The following MFAP3L variants were observed in gnomAD, a reference collection of about 807,000 sequenced individuals.
MFAP3L encodes the protein microfibrillar-associated protein 3-like.
Under a neutral mutation model 20.0 loss-of-function variants are expected in MFAP3L, and 5 were observed. That is an observed-to-expected ratio of 0.25 (90% CI 0.13 to 0.53). MFAP3L has a LOEUF of 0.53. MFAP3L is among the 20% of genes least tolerant of loss of function. The probability of loss-of-function intolerance (pLI) is 0.96; values close to 1 mark genes in which losing one functional copy is unlikely to be tolerated. For missense variants in MFAP3L, 409 were observed against 527.5 expected (o/e 0.78, Z 2.20); for synonymous variants, 219 against 213.0 (o/e 1.03, Z -0.25).
chr4:169,997,515 A>C (rs1367174385), intron 2 of MFAP3L, among the ~76,000 whole-genome samples: 1 of 152,246 alleles, frequency 6.6e-6, no homozygotes, highest in Non-Finnish European at 1.5e-5. Context: ...CTATGAACAG[A>C]TCATTGGCAA....
intron 2 of MFAP3L, chr4:169,997,624 C>G (rs1014370811): frequency 1.3e-6 from 1 of 748,184 alleles, no homozygotes; most frequent in Non-Finnish European, 1.6e-6. Context: ...TTTTTCAACT[C>G]TCAGGTTGCC....
At chr4:170,021,213 A>G (rs981253706) in intron 1 of MFAP3L, among the ~76,000 whole-genome samples, 5 of 152,178 alleles carry the variant, frequency 3.3e-5, no homozygotes, top group African/African-American at 1.2e-4. Context: ...AGAGCCTGAC[A>G]CAGATAATCC....
intron 2 of MFAP3L, among the ~76,000 whole-genome samples, chr4:169,996,544 G>A (rs1738182283): frequency 6.6e-6 from 1 of 152,116 alleles, no homozygotes; most frequent in African/African-American, 2.4e-5. Flanking sequence ...CTTCCTAGAG[G>A]AGGCCACTGC....
In MFAP3L at chr4:169,991,786, A is replaced by T; in HGVS notation, c.822T>A (p.Thr274=). 6.2e-7 allele frequency: 1 copy of T among 1,614,064 alleles called. No individual in the cohort carries two copies. The highest frequency in any genetic ancestry group is 8.5e-7 in the Non-Finnish European group (1 of 1,180,022). ...TGTCTGCGGCCTCCTGGCCCTCTGGAGTATGCCTCACAAAATTCTGCCCCT... is the reference window on the plus strand; with the variant it reads ...TGTCTGCGGCCTCCTGGCCCTCTGGTGTATGCCTCACAAAATTCTGCCCCT... The part of the protein sequence containing the change: ...EEQGQNFVRH[T]PEGQEAADRD... Residue 274 remains threonine (T), a synonymous_variant, in exon 3 of 3, where the codon ACT becomes ACA. Transcript: ENST00000361618. This position sits in a 1 kb window ranked among gnomAD's most constrained non-coding sequence, Gnocchi z 4.9.
At chr4:170,016,137 G>A (rs1376766243) in intron 1 of MFAP3L, among the ~76,000 whole-genome samples, 1 of 152,130 alleles carries the variant, frequency 6.6e-6, no homozygotes, top group Non-Finnish European at 1.5e-5. Context: ...GTAACAATCT[G>A]TGCATGGAGA....
rs993734506 is a variant in MFAP3L at position 170,006,081 on chromosome 4, T to A, written c.-133-71A>T. On this transcript the variant is annotated intron_variant, in intron 1 of 2. Transcript: ENST00000361618. ...CATCCATTCAAAACACTATAAACGG[T>A]TAGCAATGCAGCTAAAATACAAACA... 3 of 1,196,282 alleles carry A rather than the reference T, an allele frequency of 2.5e-6. No homozygotes were observed. In the African/African-American group the frequency reaches 4.6e-5, roughly 18 times the overall value. The allele number at this position is 1,196,282 out of a possible 1,614,324, so 74.1% of individuals were successfully genotyped here.
chr4:170,026,211 G>A lies in MFAP3L; in HGVS notation c.-134+23C>T, dbSNP rs1229565079. On this transcript the variant is annotated intron_variant, in intron 1 of 2. Coordinates refer to ENST00000361618, the MANE Select transcript of MFAP3L (RefSeq NM_021647.8). ...CTCCCACCCGTGCCCCTCCGCCCCG[G>A]CCCGCCGGGGGCCCCCGCTAACCTG... 1.8e-5 allele frequency: 18 copies of A among 984,196 alleles called. No individual in the cohort carries two copies. The East Asian group carries it at 1.9e-3, about 106-fold the overall frequency. The allele number at this position is 984,196 out of a possible 1,614,324, so 61.0% of individuals were successfully genotyped here.
At chr4:170,012,519 G>A (rs11732110) in intron 1 of MFAP3L, among the ~76,000 whole-genome samples, 1,700 of 152,282 alleles carry the variant, frequency 0.011, 12 homozygotes, top group Non-Finnish European at 0.018. Flanking sequence ...GTACACGGTC[G>A]CTCCTGCCTG....
chr4:170,005,983 T>C lies in MFAP3L; in HGVS notation c.-106A>G. The stretch of plus-strand genomic sequence containing the variant: ...GGTCATGGGACAAACCTGTCCTGGG[T>C]CCATAGAGTTGGTACTTGAGCAAGA... On this transcript the variant is annotated 5_prime_UTR_variant, in exon 2 of 3. Coordinates refer to ENST00000361618, the MANE Select transcript of MFAP3L (RefSeq NM_021647.8). The C allele has an allele frequency of 6.8e-7, 1 of 1,463,242 alleles. No individual in the cohort carries two copies. Among genetic ancestry groups the C allele is most frequent in the Non-Finnish European group, 9.0e-7 (1 of 1,109,360 alleles). 90.6% of individuals were successfully genotyped at this position (1,463,242 alleles called of 1,614,324 possible).
intron 2 of MFAP3L, among the ~76,000 whole-genome samples, chr4:169,995,530 A>T (rs1428298472): frequency 6.6e-6 from 1 of 152,196 alleles, no homozygotes; most frequent in African/African-American, 2.4e-5. Context: ...CATGCTCAAG[A>T]AGAATCTCCA....
At chr4:170,022,331 T>C (rs1233348439) in intron 1 of MFAP3L, among the ~76,000 whole-genome samples, 1 of 152,176 alleles carries the variant, frequency 6.6e-6, no homozygotes, top group African/African-American at 2.4e-5. Context: ...TAGTTATCCA[T>C]TGTGTTTTTA....
chr4:170,007,520 A>G (rs1420680054), intron 1 of MFAP3L, among the ~76,000 whole-genome samples: 1 of 152,206 alleles, frequency 6.6e-6, no homozygotes, highest in Non-Finnish European at 1.5e-5. Flanking sequence ...AATCAAATGT[A>G]TACCAAACAC....
intron 2 of MFAP3L, 173 bp downstream of exon 2, chr4:170,005,407 G>T: frequency 2.6e-6 from 2 of 762,912 alleles, no homozygotes; most frequent in Non-Finnish European, 4.1e-6. Flanking sequence ...GGAAAAAAAT[G>T]AATTAATTGC....
chr4:170,018,578 C>T (rs1315313094), intron 1 of MFAP3L, among the ~76,000 whole-genome samples: 1 of 152,176 alleles, frequency 6.6e-6, no homozygotes. Flanking sequence ...ACTGCACGTC[C>T]TGGGTACAGA....
At chr4:170,004,717 T>C (rs1306725794) in intron 2 of MFAP3L, among the ~76,000 whole-genome samples, 1 of 152,224 alleles carries the variant, frequency 6.6e-6, no homozygotes, top group Non-Finnish European at 1.5e-5. Context: ...GGATTGCTCA[T>C]TGGTTAAAGA....
chr4:170,006,072 T>TATA, intron 1 of MFAP3L, 62 bp from the exon 2 acceptor site: 1 of 1,250,124 alleles, frequency 8.0e-7, no homozygotes, highest in Non-Finnish European at 1.1e-6. Context: ...TTCAAAACAC[T>TATA]ATAAACGGTT....
At chr4:170,009,741 G>A (rs1739260040) in intron 1 of MFAP3L, among the ~76,000 whole-genome samples, 2 of 152,148 alleles carry the variant, frequency 1.3e-5, no homozygotes, top group Non-Finnish European at 2.9e-5. Flanking sequence ...CCCAGCCATT[G>A]GATTTTATCT....
At chr4:170,023,741 G>A (rs1447653699) in intron 1 of MFAP3L, among the ~76,000 whole-genome samples, 1 of 152,176 alleles carries the variant, frequency 6.6e-6, no homozygotes, top group East Asian at 1.9e-4. Context: ...TAACAAATCT[G>A]GCTAGGCTGT....
In MFAP3L at chr4:169,991,268, C is replaced by T; in HGVS notation, c.*110G>A. 1 of 1,182,734 alleles carries T rather than the reference C, an allele frequency of 8.5e-7. No homozygotes were observed. Among genetic ancestry groups the T allele is most frequent in the Admixed American group, 2.3e-5 (1 of 43,554 alleles). 73.3% of individuals were successfully genotyped at this position (1,182,734 alleles called of 1,614,324 possible). A position where few individuals can be genotyped will look rare whatever the true frequency, so the allele number is the denominator to read the frequency against. On this transcript the variant is annotated 3_prime_UTR_variant, in exon 3 of 3. Transcript: ENST00000361618. This position sits in a 1 kb window ranked among gnomAD's most constrained non-coding sequence, Gnocchi z 4.9. The stretch of plus-strand genomic sequence containing the variant: ...CCTTTTAAAGTGGCATCACTCCTAC[C>T]TAAGGGATGAGAGTCTCCTGGTAAG...
Sources: allele counts gnomAD v4.1 joint callset (sites outside exome capture counted in the v4.1 genomes callset), GRCh38; gene constraint gnomAD v4.1.1; non-coding constraint Gnocchi (gnomAD v3.1); transcripts MANE v1.5; gene names NCBI Gene and HGNC (gene_info 2026-07-23, HGNC 2026-07-21).